The following MYO5C variants were observed in gnomAD, a reference collection of about 807,000 sequenced individuals.
MYO5C encodes the protein unconventional myosin-Vc.
MYO5C carries 194 observed loss-of-function variants against 235.7 expected under a neutral mutation model. That is an observed-to-expected ratio of 0.82 (90% CI 0.73 to 0.93). The LOEUF (loss-of-function observed/expected upper bound fraction) is 0.93, where lower values mean the gene tolerates loss of function less well. MYO5C is among the 40% of genes least tolerant of loss of function. MYO5C has a pLI of 0.00. For synonymous variants in MYO5C, 707 were observed against 754.8 expected, an observed-to-expected ratio of 0.94 and a Z score of 1.04; for missense variants, 2,038 against 2,127.2, an observed-to-expected ratio of 0.96 and a Z score of 0.82.
chr15:52,231,351 T>C (rs2035946519), intron 24 of MYO5C, among the ~76,000 whole-genome samples: 2 of 152,084 alleles, frequency 1.3e-5, no homozygotes, highest in Non-Finnish European at 1.5e-5. Context: ...CTGGCCTGCC[T>C]CGCCCTGACC....
At chr15:52,226,759 T>A (rs548965286) in intron 25 of MYO5C, among the ~76,000 whole-genome samples, 1 of 152,364 alleles carries the variant, frequency 6.6e-6, no homozygotes, top group South Asian at 2.1e-4. Flanking sequence ...CTTTGTAATG[T>A]TTCAGTAAAT....
intron 4 of MYO5C, among the ~76,000 whole-genome samples, chr15:52,276,838 C>G (rs1265966598): frequency 6.6e-6 from 1 of 152,136 alleles, no homozygotes; most frequent in Non-Finnish European, 1.5e-5. Context: ...TGTCATAAGA[C>G]TGTGATGGTG....
chr15:52,275,578 G>C lies in MYO5C; in HGVS notation c.590C>G (p.Ser197Cys). ...NAHVEDKVLA[S>C]NPITEAVGNA... ...GGTACGCACCTCGGTGATGGGATTG[G>C]ATGCCAGGACCTTGTCTTCCACGTG... Residue 197 changes from serine to cysteine, a missense_variant, in exon 5 of 41, where the codon TCC (serine) becomes TGC (cysteine). Physicochemically the swap from Ser to Cys is moderately radical, Grantham distance 112. Transcript: ENST00000261839. The C allele has an allele frequency of 6.2e-7, 1 of 1,614,186 alleles. No homozygotes were observed. Among genetic ancestry groups the C allele is most frequent in the Non-Finnish European group, 8.5e-7 (1 of 1,180,028 alleles).
chr15:52,246,140 C>T, intron 16 of MYO5C, 98 bp from the exon 17 acceptor site: 1 of 878,718 alleles, frequency 1.1e-6, no homozygotes, highest in Non-Finnish European at 1.9e-6. Context: ...GACCCTATGC[C>T]AGGTACCCAG....
rs2036688986 is a variant in MYO5C, at chr15:52,261,222, G to A, written c.1048-95C>T. ...GGCCCCCGTGCCCACACTCAGGCCT[G>A]TGCAAGAGCTGAGTAGTAGCTGGCA... On this transcript the variant is annotated intron_variant, in intron 9 of 40. Coordinates refer to ENST00000261839, the MANE Select transcript of MYO5C (RefSeq NM_018728.4). The A allele has an allele frequency of 2.8e-6, 4 of 1,424,086 alleles. No homozygotes were observed. In the Admixed American group the frequency reaches 6.4e-5, roughly 23 times the overall value. The allele number at this position is 1,424,086 out of a possible 1,614,324, so 88.2% of individuals were successfully genotyped here.
chr15:52,260,715 T>C (rs2036675391), intron 10 of MYO5C, 147 bp downstream of exon 10: 2 of 814,832 alleles, frequency 2.5e-6, no homozygotes, highest in Admixed American at 2.8e-5. Context: ...CCCAGGAGAG[T>C]GTACTTAGCA....
chr15:52,236,865 C>A (rs1438240936), intron 22 of MYO5C: 1 of 152,138 alleles, frequency 6.6e-6, no homozygotes, highest in East Asian at 1.9e-4. Flanking sequence ...TAGGAGGAAA[C>A]TAAAATTCAT....
chr15:52,264,753 A>T (rs1477894870), intron 8 of MYO5C, among the ~76,000 whole-genome samples: 1 of 152,204 alleles, frequency 6.6e-6, no homozygotes, highest in Non-Finnish European at 1.5e-5. Flanking sequence ...AACCAAGGCG[A>T]TGGCCTTTCA....
At chr15:52,267,151 T>TG (rs895678781) in intron 8 of MYO5C, among the ~76,000 whole-genome samples, 1 of 152,206 alleles carries the variant, frequency 6.6e-6, no homozygotes, top group African/African-American at 2.4e-5. Flanking sequence ...GTGTGAAACA[T>TG]GGGGGCAAAT....
chr15:52,249,564 C>A (rs2036427878), intron 13 of MYO5C, among the ~76,000 whole-genome samples: 1 of 152,122 alleles, frequency 6.6e-6, no homozygotes, highest in African/African-American at 2.4e-5. Flanking sequence ...TCTGCTTTGT[C>A]CCCCAGGTAA....
chr15:52,243,119 T>C (rs1426302308), intron 19 of MYO5C: 2 of 152,224 alleles, frequency 1.3e-5, no homozygotes, highest in Non-Finnish European at 1.5e-5. Context: ...TCCATTCTTA[T>C]GAATGCACCC....
chr15:52,279,653 G>T lies in MYO5C; in HGVS notation c.160C>A (p.Pro54Thr), dbSNP rs1436006340. 5 of 1,613,224 alleles carry T rather than the reference G, an allele frequency of 3.1e-6. No individual in the cohort carries two copies. Among genetic ancestry groups the T allele is most frequent in the Non-Finnish European group, 3.4e-6 (4 of 1,179,196 alleles). ...TTCCGAAGTGGAGGCAGAGATTCTGGATTGACAGAATAATCCAGCTCCTAT... is the reference window on the plus strand; with the variant it reads ...TTCCGAAGTGGAGGCAGAGATTCTGTATTGACAGAATAATCCAGCTCCTAT... ...DGTELDYSVN[P>T]ESLPPLRNPD... Residue 54 changes from proline to threonine, a missense_variant, in exon 3 of 41, where the codon CCA becomes ACA. Physicochemically the swap from Pro to Thr is conservative, Grantham distance 38. Coordinates refer to ENST00000261839, the MANE Select transcript of MYO5C (RefSeq NM_018728.4).
intron 1 of MYO5C, among the ~76,000 whole-genome samples, chr15:52,291,731 GTTTTTTTTTTT>G (rs1196328559): frequency 2.9e-4 from 15 of 52,552 alleles, no homozygotes; most frequent in East Asian, 2.4e-3. Context: ...CATATTTTAT[GTTTTTTTTTTT>G]TTTTTTTTTT....
At chr15:52,285,668 G>A (rs987647601) in intron 1 of MYO5C, among the ~76,000 whole-genome samples, 3 of 152,236 alleles carry the variant, frequency 2.0e-5, no homozygotes, top group African/African-American at 4.8e-5. Context: ...ACGGAGTTTC[G>A]CTGTGTTGGC....
intron 34 of MYO5C, among the ~76,000 whole-genome samples, chr15:52,212,272 A>T (rs142249809): frequency 6.6e-6 from 1 of 152,146 alleles, no homozygotes; most frequent in African/African-American, 2.4e-5. Context: ...AGCTGCCTTG[A>T]ATAGGGAAAG....
chr15:52,266,406 G>A (rs1055042613), intron 8 of MYO5C, among the ~76,000 whole-genome samples: 4 of 152,200 alleles, frequency 2.6e-5, no homozygotes, highest in African/African-American at 9.7e-5. Flanking sequence ...GAAAGACACA[G>A]CAGAAGAGCA....
intron 1 of MYO5C, among the ~76,000 whole-genome samples, chr15:52,291,110 G>T (rs1436761458): frequency 1.3e-5 from 2 of 152,244 alleles, no homozygotes; most frequent in Non-Finnish European, 2.9e-5. Flanking sequence ...GGCAGAGCAT[G>T]TACCAGCTCT....
chr15:52,293,830 T>C (rs1206961813), intron 1 of MYO5C, among the ~76,000 whole-genome samples: 1 of 152,204 alleles, frequency 6.6e-6, no homozygotes, highest in Non-Finnish European at 1.5e-5. Flanking sequence ...CACACCACCC[T>C]TGATTCTGCC....
At chr15:52,245,198 T>C (rs1236558402) in intron 18 of MYO5C, among the ~76,000 whole-genome samples, 156 bp downstream of exon 18, 1 of 152,224 alleles carries the variant, frequency 6.6e-6, no homozygotes, top group East Asian at 1.9e-4. Flanking sequence ...CACTCTGCTA[T>C]GGTCTCTTCA....
Sources: allele counts gnomAD v4.1 joint callset (sites outside exome capture counted in the v4.1 genomes callset), GRCh38; gene constraint gnomAD v4.1.1; transcripts MANE v1.5; gene names NCBI Gene and HGNC (gene_info 2026-07-23, HGNC 2026-07-21).